The following PAX7 variants were observed in gnomAD, a reference collection of about 807,000 sequenced individuals.
PAX7 encodes paired box protein Pax-7.
In PAX7, 18 loss-of-function variants were observed where a neutral mutation model predicts 50.7. The observed-to-expected ratio is 0.36, with a 90% confidence interval of 0.25 to 0.53. The LOEUF (loss-of-function observed/expected upper bound fraction) is 0.53, where lower values mean the gene tolerates loss of function less well. Among genes scored for constraint, PAX7 ranks in the 20% least tolerant of loss-of-function variants. PAX7 has a pLI of 0.93. For missense variants in PAX7, 644 were observed against 702.9 expected, an observed-to-expected ratio of 0.92 and a Z score of 0.95; for synonymous variants, 310 against 290.4, an observed-to-expected ratio of 1.07 and a Z score of -0.69.
intron 6 of PAX7, 115 bp from the exon 7 acceptor site, chr1:18,702,979 C>T (rs1205828729): frequency 3.2e-6 from 3 of 949,178 alleles, no homozygotes; most frequent in African/African-American, 1.6e-5. Flanking sequence ...GTGGTCCCTT[C>T]CCTCCAAGGA....
At chr1:18,730,253 C>T (rs572246161) in intron 7 of PAX7, among the ~76,000 whole-genome samples, 75 of 152,296 alleles carry the variant, frequency 4.9e-4, no homozygotes, top group African/African-American at 1.7e-3. Flanking sequence ...AGAAATTGCT[C>T]AGAGTCGCAG....
chr1:18,632,778 G>GC lies in PAX7; in HGVS notation c.85+1092dup, dbSNP rs1468432814. Among the ~76,000 whole-genome samples, 2 of 152,194 alleles carry GC rather than the reference G, an allele frequency of 1.3e-5. No homozygotes were observed. On this transcript the variant is annotated intron_variant, in intron 1 of 8. Transcript: ENST00000420770. The surrounding 1 kb of genome is among the most constrained non-coding windows in gnomAD (Gnocchi z 6.3). ...GAGCTCCCTTGGGCAGCGAGACGGC[G>GC]CCGGGTCCCTGAATTAGACAGAGGC...
At chr1:18,711,190 T>C (rs2100345226) in intron 7 of PAX7, among the ~76,000 whole-genome samples, 1 of 152,290 alleles carries the variant, frequency 6.6e-6, no homozygotes, top group South Asian at 2.1e-4. Flanking sequence ...GGTTCTGCCA[T>C]TTACTAAATT....
chr1:18,703,604 T>C (rs2089250783), intron 7 of PAX7, among the ~76,000 whole-genome samples: 1 of 152,224 alleles, frequency 6.6e-6, no homozygotes, highest in South Asian at 2.1e-4. Context: ...ATTGGTTAAG[T>C]CATTCATTGC....
At chr1:18,669,261 C>A (rs1282040203) in intron 4 of PAX7, among the ~76,000 whole-genome samples, 1 of 152,256 alleles carries the variant, frequency 6.6e-6, no homozygotes, top group African/African-American at 2.4e-5. Flanking sequence ...AAGCTATATT[C>A]TGCTGGCAGC....
chr1:18,701,339 C>T (rs765952744), intron 6 of PAX7, among the ~76,000 whole-genome samples: 7 of 151,258 alleles, frequency 4.6e-5, no homozygotes, highest in Non-Finnish European at 1.0e-4. Flanking sequence ...TGAGTGTGTG[C>T]GTGTGAGTGC....
chr1:18,708,638 C>T (rs2089313142), intron 7 of PAX7, among the ~76,000 whole-genome samples: 3 of 152,084 alleles, frequency 2.0e-5, no homozygotes, highest in Admixed American at 1.3e-4. Context: ...AATAATGTGA[C>T]ACCTGCAGAT....
intron 7 of PAX7, among the ~76,000 whole-genome samples, chr1:18,719,410 G>C (rs552542483): frequency 6.6e-6 from 1 of 152,330 alleles, no homozygotes; most frequent in South Asian, 2.1e-4. Context: ...CTGGGGCTTT[G>C]GGGAATAGGA....
chr1:18,701,886 C>G (rs564956187), intron 6 of PAX7, among the ~76,000 whole-genome samples: 2 of 152,084 alleles, frequency 1.3e-5, no homozygotes, highest in Non-Finnish European at 2.9e-5. Context: ...ATCAGGGGGC[C>G]TTGGGAGAGG....
At chr1:18,656,141 T>G (rs1349011514) in intron 4 of PAX7, among the ~76,000 whole-genome samples, 1 of 152,162 alleles carries the variant, frequency 6.6e-6, no homozygotes, top group African/African-American at 2.4e-5. Flanking sequence ...GCCTGGTGCA[T>G]TTTAAGAGTG....
In PAX7 at chr1:18,698,177, C is replaced by T. The variant is rs533411111; in HGVS notation, c.787-2476C>T. Among the ~76,000 whole-genome samples the T allele has an allele frequency of 2.0e-5, 3 of 151,956 alleles. No individual in the cohort carries two copies. The East Asian group carries it at 5.8e-4, about 29-fold the overall frequency. ...CCACCCAAGATGTTCGCCACCTTCA[C>T]CTATTATCTATATTGTTATTTACTT... On this transcript the variant is annotated intron_variant, in intron 5 of 8. Coordinates refer to ENST00000420770, the MANE Select transcript of PAX7 (RefSeq NM_001135254.2).
At chr1:18,653,412 T>C (rs1458822363) in intron 4 of PAX7, among the ~76,000 whole-genome samples, 1 of 152,142 alleles carries the variant, frequency 6.6e-6, no homozygotes, top group Non-Finnish European at 1.5e-5. Context: ...GGATCAAATT[T>C]GGGGAGTTAG....
At chr1:18,696,064 TC>T (rs2089145587) in intron 5 of PAX7, among the ~76,000 whole-genome samples, 2 of 140,782 alleles carry the variant, frequency 1.4e-5, no homozygotes, top group South Asian at 4.5e-4. Context: ...GCATTTCTTT[TC>T]TTTTTTTTTT....
rs150106644 is a variant in PAX7, at chr1:18,703,881, T to A, written c.1155+585T>A. Among the ~76,000 whole-genome samples, 25 of 152,314 alleles carry A rather than the reference T, an allele frequency of 1.6e-4. No individual in the cohort carries two copies. In the East Asian group the frequency reaches 4.1e-3, roughly 25 times the overall value. ...TCCAAACTGATCTGAAGAGCCATAG[T>A]GTGGCAGAACAGTGAAGCCTGTGGA... On this transcript the variant is annotated intron_variant, in intron 7 of 8. Transcript: ENST00000420770.
intron 4 of PAX7, among the ~76,000 whole-genome samples, chr1:18,641,148 G>A (rs2088247427): frequency 6.6e-6 from 1 of 152,260 alleles, no homozygotes; most frequent in Non-Finnish European, 1.5e-5. Context: ...AGATAAACTC[G>A]TGCCTAAATT....
At chr1:18,690,964 G>A (rs376435439) in intron 4 of PAX7, among the ~76,000 whole-genome samples, 6 of 152,278 alleles carry the variant, frequency 3.9e-5, no homozygotes, top group African/African-American at 1.2e-4. Flanking sequence ...CTTCTTGATG[G>A]GCAGCTCTGG....
chr1:18,744,659 CGGAT>C (rs57915192), intron 8 of PAX7, among the ~76,000 whole-genome samples, 151 bp from the exon 9 acceptor site: 18 of 90,910 alleles, frequency 2.0e-4, no homozygotes, highest in Admixed American at 7.8e-4. Context: ...GTAGACAGGA[CGGAT>C]GGATGGATGG....
chr1:18,683,485 G>A (rs1044968779), intron 4 of PAX7, among the ~76,000 whole-genome samples: 5 of 152,184 alleles, frequency 3.3e-5, no homozygotes, highest in Admixed American at 6.5e-5. Flanking sequence ...ATTCGGCAAC[G>A]AATCAATGAA....
intron 4 of PAX7, among the ~76,000 whole-genome samples, chr1:18,648,429 C>T (rs1346714303): frequency 1.3e-5 from 2 of 150,518 alleles, no homozygotes; most frequent in African/African-American, 2.4e-5. Context: ...GTAGCCACAA[C>T]CTCCCAGGCT....
Sources: allele counts gnomAD v4.1 joint callset (sites outside exome capture counted in the v4.1 genomes callset), GRCh38; gene constraint gnomAD v4.1.1; non-coding constraint Gnocchi (gnomAD v3.1); transcripts MANE v1.5; gene names NCBI Gene and HGNC (gene_info 2026-07-23, HGNC 2026-07-21).